Variants in TENM3 observed in about 807,000 individuals in gnomAD.
The protein encoded by TENM3 is teneurin transmembrane protein 3, also known as teneurin-3.
In TENM3, 63 loss-of-function variants were observed where a neutral mutation model predicts 255.1. The ratio of observed to expected loss-of-function variants is 0.25; its 90% confidence interval spans 0.20 to 0.30. The LOEUF (loss-of-function observed/expected upper bound fraction) is 0.30. Ranked by LOEUF, TENM3 falls within the 10% of genes least tolerant of loss-of-function variation. The pLI is 1.00. For missense variants in TENM3, 2,929 were observed against 3,461.1 expected, an observed-to-expected ratio of 0.85 and a Z score of 3.86; for synonymous variants, 1,306 against 1,322.3, an observed-to-expected ratio of 0.99 and a Z score of 0.27.
At chr4:182,301,181 C>T (rs1192281705) in intron 1 of TENM3, among the ~76,000 whole-genome samples, 1 of 152,136 alleles carries the variant, frequency 6.6e-6, no homozygotes. Flanking sequence ...TTTACTTTGG[C>T]AGGACTTTTG....
chr4:182,465,261 A>C (rs369766622), intron 3 of TENM3, among the ~76,000 whole-genome samples: 1 of 152,314 alleles, frequency 6.6e-6, no homozygotes, highest in South Asian at 2.1e-4. Context: ...TAAAATTTGT[A>C]TGTTGAAACC....
the TENM3 span, among the ~76,000 whole-genome samples, chr4:182,131,660 C>G: frequency 1.1e-4 from 16 of 152,186 alleles, no homozygotes; most frequent in South Asian, 3.3e-3. Context: ...GGAAACCATT[C>G]AAAAGTCACA....
At chr4:181,820,453 A>T in the TENM3 span, among the ~76,000 whole-genome samples, 1 of 151,782 alleles carries the variant, frequency 6.6e-6, no homozygotes, top group Non-Finnish European at 1.5e-5. Flanking sequence ...ATGATTAGTG[A>T]TAATGGGCAC....
At chr4:182,488,844 T>A (rs1735002867) in intron 3 of TENM3, among the ~76,000 whole-genome samples, 1 of 152,058 alleles carries the variant, frequency 6.6e-6, no homozygotes, top group South Asian at 2.1e-4. Context: ...TTAAAAGTTC[T>A]AGGAGAATGC....
At chr4:182,379,452 CCA>C (rs368961457) in intron 3 of TENM3, among the ~76,000 whole-genome samples, 217 of 152,236 alleles carry the variant, frequency 1.4e-3, no homozygotes, top group African/African-American at 5.1e-3. Flanking sequence ...GTCCAAGTCC[CCA>C]CAGTGTATCC....
chr4:182,509,992 A>G (rs1737230241), intron 3 of TENM3, among the ~76,000 whole-genome samples: 1 of 151,848 alleles, frequency 6.6e-6, no homozygotes, highest in South Asian at 2.1e-4. Context: ...TTTGTAATTC[A>G]GATCTAAGAT....
chr4:181,508,723 C>T, the TENM3 span, among the ~76,000 whole-genome samples: 1 of 151,908 alleles, frequency 6.6e-6, no homozygotes, highest in Non-Finnish European at 1.5e-5. Context: ...CTGTTTTGTC[C>T]CACTTTTGCC....
chr4:182,516,304 TGA>T (rs1737942629), intron 3 of TENM3, among the ~76,000 whole-genome samples: 1 of 152,226 alleles, frequency 6.6e-6, no homozygotes, highest in African/African-American at 2.4e-5. Context: ...AATGAGATAA[TGA>T]GTGTCGAAAT....
the TENM3 span, among the ~76,000 whole-genome samples, chr4:182,119,450 C>T: frequency 6.6e-6 from 1 of 150,992 alleles, no homozygotes; most frequent in African/African-American, 2.4e-5. Flanking sequence ...TTCCGGTTTA[C>T]CTCCCTGGCA....
the TENM3 span, among the ~76,000 whole-genome samples, chr4:181,579,979 ATTTTATTTTATTTTATTTTATTTT>A: frequency 2.6e-5 from 3 of 115,876 alleles, no homozygotes; most frequent in Admixed American, 8.3e-5. Flanking sequence ...ATTTTATTTT[ATTTTATTTTATTTTATTTTATTTT>A]ATTTATTTTT....
At chr4:182,056,330 C>T in the TENM3 span, among the ~76,000 whole-genome samples, 2 of 152,140 alleles carry the variant, frequency 1.3e-5, no homozygotes, top group African/African-American at 2.4e-5. Context: ...AATGTCTTCC[C>T]GTGTCCAGTA....
the TENM3 span, among the ~76,000 whole-genome samples, chr4:182,046,575 A>ATAT: frequency 6.6e-6 from 1 of 150,712 alleles, no homozygotes; most frequent in Non-Finnish European, 1.5e-5. Context: ...AATAATAATA[A>ATAT]TAATAACAAC....
chr4:182,351,336 G>A (rs1397579202), intron 3 of TENM3, among the ~76,000 whole-genome samples: 2 of 152,188 alleles, frequency 1.3e-5, no homozygotes, highest in Admixed American at 6.5e-5. Flanking sequence ...CGTATGCATC[G>A]CTTCCCAGAA....
the TENM3 span, among the ~76,000 whole-genome samples, chr4:182,124,165 T>G: frequency 6.6e-6 from 1 of 152,212 alleles, no homozygotes; most frequent in East Asian, 1.9e-4. Context: ...AATTCTCCTA[T>G]CTCAGCCTCC....
chr4:182,304,776 GAC>G (rs1762044550), intron 1 of TENM3, among the ~76,000 whole-genome samples: 1 of 152,130 alleles, frequency 6.6e-6, no homozygotes, highest in African/African-American at 2.4e-5. Context: ...AAACGGGAAT[GAC>G]ACAGCTTAAA....
At position 182,628,447 on chromosome 4, in the gene TENM3, C is replaced by T. The variant is rs561295556; in HGVS notation, c.750-204C>T. Among the ~76,000 whole-genome samples the T allele has an allele frequency of 2.6e-5, 4 of 152,172 alleles. No individual in the cohort carries two copies. The South Asian group carries it at 8.3e-4, about 32-fold the overall frequency. On this transcript the variant is annotated intron_variant, in intron 4 of 27. Coordinates refer to ENST00000511685, the MANE Select transcript of TENM3 (RefSeq NM_001080477.4). ...CCTGCTATCTACATTAGAAATCAGT[C>T]TCTTTCATTAGAGTCATTATTGTGA...
At chr4:182,239,394 A>G (rs1419059218), upstream of TENM3, among the ~76,000 whole-genome samples, 1 of 152,106 alleles carries the variant, frequency 6.6e-6, no homozygotes, top group Non-Finnish European at 1.5e-5. Context: ...TCTTGCTTAT[A>G]GTCCCTTACA....
chr4:181,613,136 T>G, the TENM3 span, among the ~76,000 whole-genome samples: 3 of 152,204 alleles, frequency 2.0e-5, no homozygotes, highest in Non-Finnish European at 4.4e-5. Context: ...GAGGACCTTG[T>G]TTCCCTAGGA....
the TENM3 span, among the ~76,000 whole-genome samples, chr4:182,024,787 G>A: frequency 1.3e-5 from 2 of 151,838 alleles, no homozygotes; most frequent in Non-Finnish European, 2.9e-5. Context: ...TCATTCTTTC[G>A]AATGATTTTT....
Sources: allele counts gnomAD v4.1 joint callset (sites outside exome capture counted in the v4.1 genomes callset), GRCh38; gene constraint gnomAD v4.1.1; transcripts MANE v1.5; gene names NCBI Gene and HGNC (gene_info 2026-07-23, HGNC 2026-07-21).